Variants in RANBP17 observed in about 807,000 individuals in gnomAD.
RANBP17 encodes the protein RAN binding protein 17.
In RANBP17, 158 loss-of-function variants were observed where a neutral mutation model predicts 141.2. The ratio of observed to expected loss-of-function variants is 1.12; its 90% confidence interval spans 0.98 to 1.28. The LOEUF (loss-of-function observed/expected upper bound fraction) is 1.28. RANBP17 is among the 50% of genes most tolerant of loss of function. The pLI is 0.00. For missense variants in RANBP17, 1,438 were observed against 1,290.7 expected, an observed-to-expected ratio of 1.11 and a Z score of -1.75; for synonymous variants, 430 against 450.0, an observed-to-expected ratio of 0.96 and a Z score of 0.56.
chr5:171,240,625 T>C (rs1764807892), intron 22 of RANBP17, among the ~76,000 whole-genome samples: 1 of 150,146 alleles, frequency 6.7e-6, no homozygotes, highest in Non-Finnish European at 1.5e-5. Flanking sequence ...AAATGAATAG[T>C]CTTAAGAGTA....
At chr5:171,285,527 C>T (rs10516081) in intron 25 of RANBP17, among the ~76,000 whole-genome samples, 19,995 of 152,194 alleles carry the variant, frequency 0.13, 1,531 homozygotes, top group East Asian at 0.21. Context: ...TACATCAAAT[C>T]GAAAAGTGTT....
At chr5:171,236,733 C>T (rs1204279535) in intron 22 of RANBP17, among the ~76,000 whole-genome samples, 1 of 152,042 alleles carries the variant, frequency 6.6e-6, no homozygotes, top group African/African-American at 2.4e-5. Context: ...CTTTACTCCA[C>T]GTAAGAGCCT....
chr5:170,912,567 G>A (rs961766533), intron 7 of RANBP17, among the ~76,000 whole-genome samples: 1 of 151,898 alleles, frequency 6.6e-6, no homozygotes, highest in African/African-American at 2.4e-5. Context: ...AACAAGGACA[G>A]GATATTGTTC....
At chr5:171,012,469 T>C (rs955712223) in intron 14 of RANBP17, among the ~76,000 whole-genome samples, 3 of 152,122 alleles carry the variant, frequency 2.0e-5, no homozygotes, top group African/African-American at 7.2e-5. Flanking sequence ...CTGGAATCTA[T>C]ATATTATAGT....
intron 18 of RANBP17, among the ~76,000 whole-genome samples, chr5:171,196,479 T>C (rs1314856544): frequency 6.6e-6 from 1 of 152,152 alleles, no homozygotes; most frequent in East Asian, 1.9e-4. Context: ...CATCCTTACC[T>C]TGGAAAACTT....
chr5:171,026,544 T>C (rs578224310), intron 14 of RANBP17, among the ~76,000 whole-genome samples: 4 of 152,318 alleles, frequency 2.6e-5, no homozygotes, highest in East Asian at 3.9e-4. Flanking sequence ...TATCTAGACA[T>C]ACCAGCTTAT....
intron 12 of RANBP17, among the ~76,000 whole-genome samples, chr5:170,926,628 T>C (rs964211936): frequency 4.6e-5 from 7 of 152,172 alleles, no homozygotes; most frequent in African/African-American, 1.4e-4. Context: ...GTTATTCTTA[T>C]TTTCATATCA....
chr5:171,223,047 C>CT (rs1038154341), intron 22 of RANBP17, among the ~76,000 whole-genome samples: 2 of 152,072 alleles, frequency 1.3e-5, no homozygotes, highest in Non-Finnish European at 2.9e-5. Context: ...AGCCTTGTCA[C>CT]TTTTTTTAAA....
chr5:171,143,073 C>T lies in RANBP17; in HGVS notation c.1711-27057C>T, dbSNP rs528209596. ...ATTGTCACAAATCACCTGCTCTTATCTGGTAAGCTAGTGGGATAAACAGCT... is the reference window on the plus strand; with the variant it reads ...ATTGTCACAAATCACCTGCTCTTATTTGGTAAGCTAGTGGGATAAACAGCT... On this transcript the variant is annotated intron_variant, in intron 14 of 27. Coordinates refer to ENST00000523189, the MANE Select transcript of RANBP17 (RefSeq NM_022897.5). Among the ~76,000 whole-genome samples, 37 of 152,282 alleles carry T rather than the reference C, an allele frequency of 2.4e-4. No individual in the cohort carries two copies. In the South Asian group the frequency reaches 7.7e-3, roughly 32 times the overall value.
intron 14 of RANBP17, among the ~76,000 whole-genome samples, chr5:171,019,071 A>T (rs1025380806): frequency 6.6e-6 from 1 of 152,084 alleles, no homozygotes; most frequent in Non-Finnish European, 1.5e-5. Context: ...ATTGATTTGT[A>T]TATGTGGAAC....
intron 14 of RANBP17, among the ~76,000 whole-genome samples, chr5:171,091,012 C>G (rs1414215180): frequency 6.6e-6 from 1 of 152,214 alleles, no homozygotes; most frequent in Non-Finnish European, 1.5e-5. Flanking sequence ...CTCACAGAGT[C>G]CCTTCTGGAA....
intron 13 of RANBP17, among the ~76,000 whole-genome samples, chr5:170,953,984 A>G (rs929101617): frequency 1.3e-5 from 2 of 152,286 alleles, no homozygotes; most frequent in African/African-American, 4.8e-5. Context: ...AAGCACATAC[A>G]GTTGGTGTGT....
intron 12 of RANBP17, among the ~76,000 whole-genome samples, chr5:170,935,434 TTG>T (rs768078911): frequency 2.0e-4 from 30 of 152,178 alleles, no homozygotes; most frequent in Admixed American, 9.8e-4. Context: ...CTCCCCATCT[TTG>T]TGGTTTTATC....
chr5:171,042,913 A>G (rs1782341505), intron 14 of RANBP17, among the ~76,000 whole-genome samples: 1 of 152,184 alleles, frequency 6.6e-6, no homozygotes, highest in African/African-American at 2.4e-5. Context: ...TTTCTGCAGT[A>G]TCTTCTAAAA....
At chr5:171,261,823 A>G (rs890946609) in intron 24 of RANBP17, among the ~76,000 whole-genome samples, 1 of 152,238 alleles carries the variant, frequency 6.6e-6, no homozygotes, top group Non-Finnish European at 1.5e-5. Context: ...TGAATCTCAC[A>G]TAGTAGCTTG....
chr5:171,055,674 G>A (rs1581507652), intron 14 of RANBP17, among the ~76,000 whole-genome samples: 1 of 151,850 alleles, frequency 6.6e-6, no homozygotes, highest in African/African-American at 2.4e-5. Flanking sequence ...ATAACTTGGG[G>A]CTTCTGGACC....
In RANBP17 at chr5:170,916,473, A is replaced by G; in HGVS notation, c.843A>G (p.Ser281=). 4 of 1,554,502 alleles carry G rather than the reference A, an allele frequency of 2.6e-6. No individual in the cohort carries two copies. Among genetic ancestry groups the G allele is most frequent in the Non-Finnish European group, 2.6e-6 (3 of 1,149,402 alleles). Residue 281 remains serine (S), a synonymous_variant, in exon 9 of 28, where the codon TCA becomes TCG. Coordinates refer to ENST00000523189, the MANE Select transcript of RANBP17 (RefSeq NM_022897.5). ...TTTTTGGTATTTTTTAGGCACTTTC[A>G]TGTTTAGTTCAGTTTGCTTCGACAA... ...LPPLLSQLAL[S]CLVQFASTRR...
chr5:171,160,344 A>T (rs1297435878), intron 14 of RANBP17, among the ~76,000 whole-genome samples: 2 of 152,168 alleles, frequency 1.3e-5, no homozygotes, highest in African/African-American at 4.8e-5. Context: ...CACTTAGAAC[A>T]TATATCTGTT....
chr5:171,248,366 CAAAA>C (rs1217728868), intron 24 of RANBP17, among the ~76,000 whole-genome samples: 4 of 60,380 alleles, frequency 6.6e-5, no homozygotes, highest in Non-Finnish European at 1.0e-4. Context: ...GACTCCATCT[CAAAA>C]AAAAAAAAAA....
Sources: allele counts gnomAD v4.1 joint callset (sites outside exome capture counted in the v4.1 genomes callset), GRCh38; gene constraint gnomAD v4.1.1; transcripts MANE v1.5; gene names NCBI Gene and HGNC (gene_info 2026-07-23, HGNC 2026-07-21).